Variants in HDAC9 observed in about 807,000 individuals in gnomAD.
The protein encoded by HDAC9 is histone deacetylase 9.
In HDAC9, 41 loss-of-function variants were observed where a neutral mutation model predicts 139.4. The ratio of observed to expected loss-of-function variants is 0.29; its 90% confidence interval spans 0.23 to 0.38. HDAC9 has a LOEUF of 0.38. Among genes scored for constraint, HDAC9 ranks in the 10% least tolerant of loss-of-function variants. HDAC9 has a pLI of 1.00. For missense variants in HDAC9, 1,147 were observed against 1,297.0 expected, an observed-to-expected ratio of 0.88 and a Z score of 1.78; for synonymous variants, 517 against 476.2, an observed-to-expected ratio of 1.09 and a Z score of -1.12.
chr7:18,110,025 A>G (rs974994887), intron 1 of HDAC9, among the ~76,000 whole-genome samples: 1 of 152,166 alleles, frequency 6.6e-6, no homozygotes, highest in Non-Finnish European at 1.5e-5. Flanking sequence ...CTCACTTGAG[A>G]TAATTTAAAG....
At chr7:18,421,535 GA>G (rs2128752353) in intron 1 of HDAC9, among the ~76,000 whole-genome samples, 1 of 152,160 alleles carries the variant, frequency 6.6e-6, no homozygotes, top group African/African-American at 2.4e-5. Flanking sequence ...AAAACAGAAA[GA>G]ACACAATTAT....
chr7:18,172,247 A>G (rs896914534), intron 2 of HDAC9, among the ~76,000 whole-genome samples: 14 of 151,908 alleles, frequency 9.2e-5, no homozygotes, highest in African/African-American at 3.1e-4. Flanking sequence ...TTTTTATAGT[A>G]TTCTATTCTC....
intron 1 of HDAC9, among the ~76,000 whole-genome samples, chr7:18,139,060 G>C (rs11972695): frequency 0.013 from 1,958 of 150,590 alleles, 41 homozygotes; most frequent in African/African-American, 0.045. Context: ...TGGAAAGTAT[G>C]CTTAAGAATA....
intron 2 of HDAC9, among the ~76,000 whole-genome samples, chr7:18,182,715 G>T (rs1318959852): frequency 6.6e-6 from 1 of 152,162 alleles, no homozygotes; most frequent in Non-Finnish European, 1.5e-5. Context: ...AGTAAATCTA[G>T]CTCTTGGATC....
intron 25 of HDAC9, among the ~76,000 whole-genome samples, chr7:18,978,285 G>T (rs1488491792): frequency 6.6e-6 from 1 of 152,120 alleles, no homozygotes. Flanking sequence ...GGGTAAAGCA[G>T]CTCTTTTCCT....
In HDAC9 at chr7:18,991,369, A is replaced by T. The variant is rs10247256; in HGVS notation, c.3171-4654A>T. Among the ~76,000 whole-genome samples the T allele has an allele frequency of 7.9e-3, 1,202 of 152,058 alleles. 9 individuals carry two copies. The highest frequency in any genetic ancestry group is 0.019 in the South Asian group (90 of 4,830). ...ATAAAGAAGTCATCAGGCTGGGCAC[A>T]GTGGCTCATGCCTGTAATCCCAGTG... is the stretch of plus-strand genomic sequence containing the variant. On this transcript the variant is annotated intron_variant, in intron 25 of 25. Coordinates refer to ENST00000686413, the MANE Select transcript of HDAC9 (RefSeq NM_178425.4).
chr7:18,329,414 G>T (rs901511013), intron 1 of HDAC9, among the ~76,000 whole-genome samples: 2 of 151,576 alleles, frequency 1.3e-5, no homozygotes, highest in African/African-American at 2.4e-5. Context: ...ATAACATATT[G>T]TACTCCATAA....
At chr7:18,528,207 G>T (rs1388460856) in intron 2 of HDAC9, among the ~76,000 whole-genome samples, 2 of 150,444 alleles carry the variant, frequency 1.3e-5, no homozygotes, top group Non-Finnish European at 3.0e-5. Flanking sequence ...TGAGGTGGGA[G>T]GATTGGGGAG....
intron 21 of HDAC9, among the ~76,000 whole-genome samples, chr7:18,854,860 G>C (rs754527914): frequency 6.6e-6 from 1 of 152,138 alleles, no homozygotes. Context: ...TGACGTTATA[G>C]CATTAATGGT....
intron 2 of HDAC9, among the ~76,000 whole-genome samples, chr7:18,272,691 T>A (rs1044219712): frequency 2.0e-5 from 3 of 152,126 alleles, no homozygotes; most frequent in African/African-American, 7.2e-5. Flanking sequence ...GAAATACTAT[T>A]TTTATGGATT....
chr7:18,788,269 T>G (rs1409772294), intron 16 of HDAC9, among the ~76,000 whole-genome samples: 1 of 152,154 alleles, frequency 6.6e-6, no homozygotes. Flanking sequence ...CACCCATAGT[T>G]AAACCATTTC....
intron 13 of HDAC9, among the ~76,000 whole-genome samples, chr7:18,736,867 A>C (rs1361952234): frequency 6.6e-6 from 1 of 151,982 alleles, no homozygotes; most frequent in African/African-American, 2.4e-5. Context: ...CTGGTATTGG[A>C]CTTTTTTTGG....
chr7:18,625,608 C>G (rs957949020), intron 6 of HDAC9, among the ~76,000 whole-genome samples: 1 of 152,138 alleles, frequency 6.6e-6, no homozygotes, highest in Non-Finnish European at 1.5e-5. Flanking sequence ...CTGGCCTATT[C>G]TCTACTAGTC....
At chr7:18,252,395 G>A (rs1427280098) in intron 2 of HDAC9, among the ~76,000 whole-genome samples, 1 of 152,066 alleles carries the variant, frequency 6.6e-6, no homozygotes, top group Admixed American at 6.6e-5. Context: ...GTAAATCTTA[G>A]ACTTTAATGT....
intron 13 of HDAC9, among the ~76,000 whole-genome samples, chr7:18,730,546 G>T (rs1785955849): frequency 6.6e-6 from 1 of 152,152 alleles, no homozygotes; most frequent in Non-Finnish European, 1.5e-5. Context: ...AAGACTCCCA[G>T]AGAATGCCTA....
intron 12 of HDAC9, among the ~76,000 whole-genome samples, chr7:18,678,946 G>A (rs113940823): frequency 0.011 from 1,681 of 151,932 alleles, 26 homozygotes; most frequent in African/African-American, 0.032. Context: ...TTTCTCTCTT[G>A]CTCCCTAATT....
Position 18,732,870 on chromosome 7 carries a change from C to CACACACACGTGTGCGTATGTGT in HDAC9, c.1909+5122_1909+5143dup, listed in dbSNP as rs1786360471. Among the ~76,000 whole-genome samples the CACACACACGTGTGCGTATGTGT allele has an allele frequency of 3.2e-5, 2 of 63,126 alleles. 1 individual carries two copies. Among genetic ancestry groups the CACACACACGTGTGCGTATGTGT allele is most frequent in the Admixed American group, 2.6e-4 (2 of 7,832 alleles). 41.4% of individuals were successfully genotyped at this position (63,126 alleles called of 152,430 possible). On this transcript the variant is annotated intron_variant, in intron 13 of 25. Transcript: ENST00000686413. ...ACGTGTGTATGTGTGCGTATGTGTA[C>CACACACACGTGTGCGTATGTGT]ACACACACGTGTGCGTATGTGTACA... is the stretch of plus-strand genomic sequence containing the variant.
chr7:18,304,249 T>C (rs1443514629), intron 1 of HDAC9, among the ~76,000 whole-genome samples: 2 of 152,212 alleles, frequency 1.3e-5, no homozygotes, highest in African/African-American at 2.4e-5. Flanking sequence ...AGTTATGAAC[T>C]AGAAATTATC....
intron 25 of HDAC9, among the ~76,000 whole-genome samples, chr7:18,980,461 ATCTC>A (rs1784831274): frequency 6.6e-6 from 1 of 152,158 alleles, no homozygotes; most frequent in Non-Finnish European, 1.5e-5. Flanking sequence ...AAGTTACTTA[ATCTC>A]TCTGAGTTTA....
Sources: allele counts gnomAD v4.1 joint callset (sites outside exome capture counted in the v4.1 genomes callset), GRCh38; gene constraint gnomAD v4.1.1; transcripts MANE v1.5; gene names NCBI Gene and HGNC (gene_info 2026-07-23, HGNC 2026-07-21).